C7orf78: variants seen among roughly 807,000 people sequenced by gnomAD.
C7orf78 encodes the protein putative uncharacterized protein C7orf78.
the C7orf78 span, chr7:12,507,072 G>A: frequency 6.8e-5 from 25 of 365,968 alleles, no homozygotes; most frequent in East Asian, 2.6e-4. Context: ...AGGCCGAGAC[G>A]GGCGGATCAG....
chr7:12,483,369 G>A, the C7orf78 span: 1 of 152,110 alleles, frequency 6.6e-6, no homozygotes, highest in Non-Finnish European at 1.5e-5. Context: ...TTTCTACAAA[G>A]GTTTTCTCGA....
chr7:12,497,591 GGAGTCTCGCT>G, the C7orf78 span, among the ~76,000 whole-genome samples: 464 of 152,252 alleles, frequency 3.0e-3, 4 homozygotes, highest in African/African-American at 0.011. Flanking sequence ...CCTACCCCAC[GGAGTCTCGCT>G]GATTGCTAGC....
At chr7:12,510,274 C>A in the C7orf78 span, among the ~76,000 whole-genome samples, 3 of 151,942 alleles carry the variant, frequency 2.0e-5, no homozygotes, top group African/African-American at 4.8e-5. Context: ...GCCCCAAACT[C>A]CCCAGACTCA....
At chr7:12,494,468 G>A in the C7orf78 span, among the ~76,000 whole-genome samples, 1 of 152,110 alleles carries the variant, frequency 6.6e-6, no homozygotes, top group Non-Finnish European at 1.5e-5. Context: ...TTAGAAAAAA[G>A]GGAGAGAAAA....
At chr7:12,504,880 C>A in the C7orf78 span, among the ~76,000 whole-genome samples, 1 of 152,008 alleles carries the variant, frequency 6.6e-6, no homozygotes, top group African/African-American at 2.4e-5. Flanking sequence ...TTTATATTGA[C>A]AACTTATTAA....
chr7:12,537,056 G>A, the C7orf78 span, among the ~76,000 whole-genome samples: 7 of 152,094 alleles, frequency 4.6e-5, no homozygotes, highest in Admixed American at 2.6e-4. Flanking sequence ...TTCCAAAGTC[G>A]CTTTCACATT....
the C7orf78 span, among the ~76,000 whole-genome samples, chr7:12,506,608 A>G: frequency 6.6e-6 from 1 of 151,420 alleles, no homozygotes; most frequent in Non-Finnish European, 1.5e-5. Context: ...ACATGGACAC[A>G]GGGTGGGGAA....
the C7orf78 span, among the ~76,000 whole-genome samples, chr7:12,524,197 C>G: frequency 1.3e-5 from 2 of 152,052 alleles, no homozygotes; most frequent in Non-Finnish European, 2.9e-5. Context: ...GATACTAAGC[C>G]TTTTTGATTA....
At chr7:12,537,516 G>T in the C7orf78 span, among the ~76,000 whole-genome samples, 2 of 152,182 alleles carry the variant, frequency 1.3e-5, no homozygotes, top group African/African-American at 4.8e-5. Flanking sequence ...TACACTGCTT[G>T]AGGGGGAAGA....
chr7:12,528,613 G>T, the C7orf78 span, among the ~76,000 whole-genome samples: 1 of 152,200 alleles, frequency 6.6e-6, no homozygotes, highest in Non-Finnish European at 1.5e-5. Context: ...ATATTTTAAG[G>T]AAAACTTAAG....
At chr7:12,488,959 A>C in the C7orf78 span, among the ~76,000 whole-genome samples, 5 of 145,408 alleles carry the variant, frequency 3.4e-5, no homozygotes, top group African/African-American at 1.3e-4. Context: ...GAGTTTCCGT[A>C]TATTTGACTA....
chr7:12,531,444 A>C, the C7orf78 span, among the ~76,000 whole-genome samples: 4 of 152,146 alleles, frequency 2.6e-5, no homozygotes, highest in Admixed American at 6.5e-5. Context: ...AATGAATTCA[A>C]ATTAAGAGTA....
At chr7:12,538,682 C>G in the C7orf78 span, among the ~76,000 whole-genome samples, 1 of 152,144 alleles carries the variant, frequency 6.6e-6, no homozygotes, top group African/African-American at 2.4e-5. Flanking sequence ...GGTGGGATTA[C>G]TCACAAGATG....
At chr7:12,498,582 T>C in the C7orf78 span, among the ~76,000 whole-genome samples, 1 of 152,076 alleles carries the variant, frequency 6.6e-6, no homozygotes, top group Non-Finnish European at 1.5e-5. Context: ...TATGGGACTA[T>C]GTGAAAAGAC....
the C7orf78 span, chr7:12,525,826 C>T: frequency 2.5e-6 from 1 of 396,838 alleles, no homozygotes; most frequent in Non-Finnish European, 4.4e-6. Flanking sequence ...CTAGTACCAA[C>T]CTGGTTTACC....
the C7orf78 span, among the ~76,000 whole-genome samples, chr7:12,528,090 C>T: frequency 6.8e-6 from 1 of 146,734 alleles, no homozygotes; most frequent in African/African-American, 2.5e-5. Flanking sequence ...GTAGAAAATG[C>T]CATCTAGCTG....
At chr7:12,525,194 G>A in the C7orf78 span, among the ~76,000 whole-genome samples, 1 of 151,926 alleles carries the variant, frequency 6.6e-6, no homozygotes, top group South Asian at 2.1e-4. Flanking sequence ...ACTGTTTTGT[G>A]CCACGTTTAC....
chr7:12,490,646 T>G, the C7orf78 span, among the ~76,000 whole-genome samples: 1 of 152,070 alleles, frequency 6.6e-6, no homozygotes, highest in African/African-American at 2.4e-5. Context: ...TCTTTGAGAC[T>G]GGATATTTGT....
the C7orf78 span, among the ~76,000 whole-genome samples, chr7:12,500,111 G>A: frequency 7.6e-6 from 1 of 131,042 alleles, no homozygotes; most frequent in Non-Finnish European, 1.6e-5. Context: ...AGCACTAAAT[G>A]CCCACAAGAG....
Sources: gnomAD v4.1 joint callset for allele counts (sites outside exome capture counted in the v4.1 genomes callset) on GRCh38, gnomAD v4.1.1 for gene constraint, MANE v1.5 for transcripts, NCBI Gene and HGNC (gene_info 2026-07-23, HGNC 2026-07-21) for gene names.